Variants in PRKN observed in about 807,000 individuals in gnomAD.
PRKN encodes the protein E3 ubiquitin-protein ligase parkin.
A neutral mutation model predicts 59.5 loss-of-function variants in PRKN; 56 were observed. The observed-to-expected ratio is 0.94, with a 90% CI of 0.76 to 1.18. The LOEUF (loss-of-function observed/expected upper bound fraction) is 1.18. Ranked by LOEUF, PRKN falls within the 50% of genes most tolerant of loss-of-function variation. The pLI is 0.00. For synonymous variants in PRKN, 250 were observed against 222.1 expected (o/e 1.13, Z -1.12); for missense variants, 657 against 596.4 (o/e 1.10, Z -1.06).
intron 6 of PRKN, among the ~76,000 whole-genome samples, chr6:161,914,938 T>A (rs1778499666): frequency 6.6e-6 from 1 of 152,102 alleles, no homozygotes; most frequent in South Asian, 2.1e-4. Context: ...AGGCTCTGAA[T>A]TTAGATGGGA....
chr6:162,015,255 G>A (rs966977871), intron 5 of PRKN, among the ~76,000 whole-genome samples: 6 of 152,098 alleles, frequency 3.9e-5, no homozygotes, highest in Non-Finnish European at 7.4e-5. Flanking sequence ...CAAGTACACC[G>A]CTGAGCTTCA....
chr6:162,200,010 G>A (rs1484568786), intron 4 of PRKN, among the ~76,000 whole-genome samples: 1 of 152,124 alleles, frequency 6.6e-6, no homozygotes, highest in African/African-American at 2.4e-5. Flanking sequence ...TCCTCAGCAT[G>A]AACTGTCCTC....
chr6:162,167,342 C>T lies in PRKN; in HGVS notation c.534+33789G>A, dbSNP rs940819784. Among the ~76,000 whole-genome samples, 5 of 152,128 alleles carry T rather than the reference C, an allele frequency of 3.3e-5. No homozygotes were observed. The East Asian group carries it at 7.7e-4, about 23-fold the overall frequency. On this transcript the variant is annotated intron_variant, in intron 4 of 11. Transcript: ENST00000366898. ...GCCTGGATTGGAGTCTCGGCCCTGACGTGTGCTTGTTAATCCCTCCTGCCT... is the reference window on the plus strand; with the variant it reads ...GCCTGGATTGGAGTCTCGGCCCTGATGTGTGCTTGTTAATCCCTCCTGCCT...
chr6:162,418,186 G>T lies in PRKN; in HGVS notation c.171+25124C>A, dbSNP rs111535616. On this transcript the variant is annotated intron_variant, in intron 2 of 11. Transcript: ENST00000366898. ...AATATTATTTGGCAATAAAAATGAA[G>T]TGCAGATTCATGCTATGACATAGAT... 2.0e-3 allele frequency among the ~76,000 whole-genome samples: 305 copies of T among 152,264 alleles called. 1 individual carries two copies. The highest frequency in any genetic ancestry group is 7.0e-3 in the African/African-American group (292 of 41,546).
intron 9 of PRKN, among the ~76,000 whole-genome samples, chr6:161,403,680 T>C (rs544105691): frequency 2.4e-4 from 36 of 152,308 alleles, no homozygotes; most frequent in African/African-American, 7.7e-4. Flanking sequence ...TTTGCCTAGA[T>C]GACTTGGAAT....
intron 7 of PRKN, among the ~76,000 whole-genome samples, chr6:161,616,386 G>A (rs1046385942): frequency 3.3e-5 from 5 of 150,864 alleles, no homozygotes; most frequent in African/African-American, 9.7e-5. Context: ...CCAGTGATGT[G>A]CACACCCATT....
At chr6:161,643,482 T>C (rs1401114027) in intron 7 of PRKN, among the ~76,000 whole-genome samples, 4 of 152,226 alleles carry the variant, frequency 2.6e-5, no homozygotes, top group Non-Finnish European at 5.9e-5. Context: ...TCAAATTCAA[T>C]AGTGTTTACT....
chr6:161,881,920 G>T (rs562612661), intron 6 of PRKN, among the ~76,000 whole-genome samples: 2 of 152,142 alleles, frequency 1.3e-5, no homozygotes, highest in African/African-American at 4.8e-5. Context: ...TGGCCAGCTA[G>T]GACAGGCACC....
At chr6:161,998,789 C>T (rs1163798369) in intron 5 of PRKN, among the ~76,000 whole-genome samples, 3 of 152,048 alleles carry the variant, frequency 2.0e-5, no homozygotes, top group East Asian at 1.9e-4. Context: ...AATTTGTCAT[C>T]GGGTCAATTT....
Position 161,352,773 on chromosome 6 carries a change from T to TATATATATATA in PRKN, c.1286-2563_1286-2562insTATATATATAT, listed in dbSNP as rs1562388699. Among the ~76,000 whole-genome samples the TATATATATATA allele has an allele frequency of 2.7e-5, 2 of 74,932 alleles. No homozygotes were observed. The highest frequency in any genetic ancestry group is 1.2e-4 in the African/African-American group (2 of 16,804). 49.2% of individuals were successfully genotyped at this position (74,932 alleles called of 152,430 possible). On this transcript the variant is annotated intron_variant, in intron 11 of 11. Coordinates refer to ENST00000366898, the MANE Select transcript of PRKN (RefSeq NM_004562.3). The surrounding 1 kb of genome is among the most constrained non-coding windows in gnomAD (Gnocchi z 5.8). Reference sequence around the variant, plus strand: ...TGTGTGTGTATATATATATATATATTTTATTTTATTTTATTTTATTTTTTT... The same window carrying TATATATATATA: ...TGTGTGTGTATATATATATATATATTATATATATATATTATTTTATTTTATTTTATTTTTTT...
chr6:161,680,296 T>C (rs77754045), intron 7 of PRKN, among the ~76,000 whole-genome samples: 2,286 of 152,278 alleles, frequency 0.015, 20 homozygotes, highest in Non-Finnish European at 0.021. Context: ...AACAATTCTA[T>C]TTTCCAATTG....
At chr6:162,254,305 A>C (rs1208207842) in intron 3 of PRKN, among the ~76,000 whole-genome samples, 1 of 151,928 alleles carries the variant, frequency 6.6e-6, no homozygotes, top group East Asian at 1.9e-4. Flanking sequence ...AAAAATACAA[A>C]AATTAGCTGG....
chr6:162,222,125 A>G (rs1041270392), intron 3 of PRKN, among the ~76,000 whole-genome samples: 3 of 152,168 alleles, frequency 2.0e-5, no homozygotes, highest in African/African-American at 7.2e-5. Flanking sequence ...GAATTCTATG[A>G]TAATCCCCAA....
At chr6:162,461,272 C>A (rs1270629062) in intron 1 of PRKN, among the ~76,000 whole-genome samples, 1 of 150,980 alleles carries the variant, frequency 6.6e-6, no homozygotes, top group African/African-American at 2.4e-5. Flanking sequence ...GAGGCCGAGG[C>A]GGGAGGATCA....
At chr6:161,531,903 G>T (rs1779226443) in intron 9 of PRKN, among the ~76,000 whole-genome samples, 1 of 152,046 alleles carries the variant, frequency 6.6e-6, no homozygotes, top group Non-Finnish European at 1.5e-5. Context: ...CTGTTACAAT[G>T]GATCCCACTT....
At chr6:162,420,262 C>G (rs1555008) in intron 2 of PRKN, among the ~76,000 whole-genome samples, 76,915 of 150,150 alleles carry the variant, frequency 0.51, 20,035 homozygotes, top group East Asian at 0.68. Flanking sequence ...TTCACAATGG[C>G]GGGGAGGGGG....
At chr6:161,631,772 A>AACACACAC (rs147449873) in intron 7 of PRKN, among the ~76,000 whole-genome samples, 7,592 of 150,420 alleles carry the variant, frequency 0.05, 215 homozygotes, top group Middle Eastern at 0.071. Context: ...CACCCAGACA[A>AACACACAC]ACACACACAC....
intron 7 of PRKN, among the ~76,000 whole-genome samples, chr6:161,734,716 A>G (rs945590432): frequency 4.6e-5 from 7 of 152,176 alleles, no homozygotes; most frequent in Non-Finnish European, 8.8e-5. Flanking sequence ...TGTTTTACAA[A>G]TTCCAGTGAA....
intron 2 of PRKN, among the ~76,000 whole-genome samples, chr6:162,326,575 G>A (rs1783290850): frequency 6.6e-6 from 1 of 152,070 alleles, no homozygotes; most frequent in Admixed American, 6.6e-5. Context: ...CTTAAGAAGA[G>A]TTTTCTTTTT....
Sources: allele counts gnomAD v4.1 joint callset (sites outside exome capture counted in the v4.1 genomes callset), GRCh38; gene constraint gnomAD v4.1.1; non-coding constraint Gnocchi (gnomAD v3.1); transcripts MANE v1.5; gene names NCBI Gene and HGNC (gene_info 2026-07-23, HGNC 2026-07-21).